The following CSE1L variants were observed in gnomAD, a reference collection of about 807,000 sequenced individuals.
The protein encoded by CSE1L is chromosome segregation 1 like, also known as exportin-2.
Under a neutral mutation model 120.4 loss-of-function variants are expected in CSE1L, and 24 were observed. The ratio of observed to expected loss-of-function variants is 0.20; its 90% CI spans 0.14 to 0.28. The LOEUF is 0.28. Ranked by LOEUF, CSE1L falls within the 10% of genes least tolerant of loss-of-function variation. The pLI, the probability that CSE1L is intolerant of heterozygous loss-of-function variation, is 1.00. For synonymous variants in CSE1L, 402 were observed against 398.3 expected (o/e 1.01, Z -0.11); for missense variants, 830 against 1,145.2 (o/e 0.72, Z 3.97).
chr20:49,076,992 C>G lies in CSE1L; in HGVS notation c.1348C>G (p.Gln450Glu). The part of the protein sequence containing the change: ...KAQTQKHGIT[Q>E]ANELVNLTEF... ...ATTTGCTTTTCAGCATGGAATTACA[C>G]AAGCAAATGAACTTGTAAACCTAAC... The change falls in exon 13 of 25, where the codon CAA (glutamine) becomes GAA (glutamate). Residue 450 changes from glutamine (Q) to glutamate (E), a missense_variant. Physicochemically the swap from Gln to Glu is conservative, Grantham distance 29 (BLOSUM62 2). Coordinates refer to ENST00000262982, the MANE Select transcript of CSE1L (RefSeq NM_001316.4). 1 of 1,603,602 alleles carries G rather than the reference C, an allele frequency of 6.2e-7. No individual in the cohort carries two copies. The highest frequency in any genetic ancestry group is 1.7e-4 in the Middle Eastern group (1 of 5,936).
At position 49,046,326 on chromosome 20, in the gene CSE1L, C is replaced by G. The variant is rs1479838155; in HGVS notation, c.-109C>G. ...TCAGGCTCGCTGTCGCGCCATTTTG[C>G]CGGGGTTTGAATGTGAGGCGGAGCG... is the stretch of plus-strand genomic sequence containing the variant. On this transcript the variant is annotated 5_prime_UTR_variant, in exon 1 of 25. Transcript: ENST00000262982. The G allele has an allele frequency of 6.6e-6, 1 of 152,428 alleles. No individual in the cohort carries two copies. The highest frequency in any genetic ancestry group is 6.5e-5 in the Admixed American group (1 of 15,296). The allele number at this position is 152,428 out of a possible 1,614,324, so 9.4% of individuals were successfully genotyped here. A position where few individuals can be genotyped will look rare whatever the true frequency, so the allele number is the denominator to read the frequency against.
At chr20:49,055,242 G>A (rs2091797378) in intron 1 of CSE1L, among the ~76,000 whole-genome samples, 1 of 152,208 alleles carries the variant, frequency 6.6e-6, no homozygotes, top group East Asian at 1.9e-4. Flanking sequence ...TTGCTGCCAA[G>A]TGAGTTTGCC....
rs776542325 is a variant in CSE1L, at chr20:49,072,274, C to T, written c.769-12C>T. On this transcript the variant is annotated splice_polypyrimidine_tract_variant and intron_variant, in intron 8 of 24. Transcript: ENST00000262982. ...AGTTGTATGTTGGAGTTTTTGTTTT[C>T]TTTTATGTGAGGATGAAGAGGAAGC... is the stretch of plus-strand genomic sequence containing the variant. 9.3e-6 allele frequency: 15 copies of T among 1,611,482 alleles called. No homozygotes were observed. Among genetic ancestry groups the T allele is most frequent in the African/African-American group, 1.3e-5 (1 of 74,670 alleles).
At chr20:49,088,158 G>A (rs1600546854) in intron 17 of CSE1L, 52 bp downstream of exon 17, 1 of 1,250,606 alleles carries the variant, frequency 8.0e-7, no homozygotes, top group Non-Finnish European at 1.2e-6. Flanking sequence ...GCTCCAAACT[G>A]TTTGGGCCTC....
intron 16 of CSE1L, among the ~76,000 whole-genome samples, chr20:49,086,289 G>T (rs1191929168): frequency 1.3e-5 from 2 of 151,602 alleles, no homozygotes; most frequent in Non-Finnish European, 2.9e-5. Context: ...GTGTATCTGG[G>T]TGTATGTTTC....
At chr20:49,068,272 C>T (rs1359510640) in intron 6 of CSE1L, among the ~76,000 whole-genome samples, 2 of 152,112 alleles carry the variant, frequency 1.3e-5, no homozygotes, top group African/African-American at 4.8e-5. Flanking sequence ...CTATTTTCCA[C>T]AATCTCTTAA....
intron 2 of CSE1L, among the ~76,000 whole-genome samples, chr20:49,059,130 CAAA>C (rs549095361): frequency 2.6e-5 from 2 of 77,320 alleles, no homozygotes. Context: ...GACTCCGTCT[CAAA>C]AAAAAAAAAA....
intron 8 of CSE1L, 101 bp from the exon 9 acceptor site, chr20:49,072,185 A>G: frequency 1.6e-6 from 2 of 1,247,076 alleles, no homozygotes; most frequent in Non-Finnish European, 1.1e-6. Context: ...TTTGATTTGG[A>G]TTTAATTGAT....
intron 16 of CSE1L, among the ~76,000 whole-genome samples, chr20:49,085,797 C>T (rs2092051825): frequency 6.6e-6 from 1 of 151,928 alleles, no homozygotes; most frequent in Non-Finnish European, 1.5e-5. Flanking sequence ...GTCTCAAACT[C>T]CTGACCTCAA....
At chr20:49,070,776 TA>T (rs2091926090) in intron 8 of CSE1L, among the ~76,000 whole-genome samples, 1 of 151,884 alleles carries the variant, frequency 6.6e-6, no homozygotes, top group African/African-American at 2.4e-5. Context: ...CTACAAAAAA[TA>T]AAAATAAAAT....
chr20:49,057,510 G>A (rs533129533), intron 1 of CSE1L, among the ~76,000 whole-genome samples: 7 of 143,284 alleles, frequency 4.9e-5, no homozygotes, highest in Non-Finnish European at 7.5e-5. Flanking sequence ...TTGGAGTGCA[G>A]TGGCACCATC....
chr20:49,084,125 C>T lies in CSE1L; in HGVS notation c.1582C>T (p.Arg528Trp), dbSNP rs1173088804. The change falls in exon 15 of 25, where the codon CGG becomes TGG. Residue 528 changes from arginine (R) to tryptophan (W), a missense_variant. Arg to Trp is a moderately radical substitution (Grantham distance 101, BLOSUM62 -3). Around this residue, in one of 4 missense-constraint regions of CSE1L, gnomAD observed 543 missense variants for 640.2 expected, o/e 0.85. Transcript: ENST00000262982. ...TACTTACGCAGCTCATGCTCTTGAA[C>T]GGCTCTTTACTATGCGAGGGCCTAA... is the stretch of plus-strand genomic sequence containing the variant. ...VHTYAAHALE[R>W]LFTMRGPNNA... is the part of the protein sequence containing the mutation. 3.1e-6 allele frequency: 5 copies of T among 1,614,044 alleles called. No homozygotes were observed. The highest frequency in any genetic ancestry group is 1.7e-5 in the Admixed American group (1 of 60,004).
chr20:49,062,108 C>CGA, intron 2 of CSE1L, among the ~76,000 whole-genome samples: 1 of 152,180 alleles, frequency 6.6e-6, no homozygotes, highest in Admixed American at 6.5e-5. Context: ...GGCTTTTCCT[C>CGA]AAATCATGGA....
At chr20:49,063,149 A>G (rs1388978399) in intron 2 of CSE1L, 53 bp from the exon 3 acceptor site, 13 of 1,142,766 alleles carry the variant, frequency 1.1e-5, no homozygotes, top group African/African-American at 1.6e-5. Context: ...TTTGATATAT[A>G]TAAGGTGGAA....
chr20:49,058,394 A>T, intron 1 of CSE1L, 59 bp from the exon 2 acceptor site: 1 of 1,237,966 alleles, frequency 8.1e-7, no homozygotes, highest in Non-Finnish European at 1.2e-6. Flanking sequence ...GGATTTCTTT[A>T]AATGTAAATC....
intron 15 of CSE1L, among the ~76,000 whole-genome samples, chr20:49,084,551 ATAG>A (rs1330660402): frequency 6.6e-6 from 1 of 152,128 alleles, no homozygotes; most frequent in Non-Finnish European, 1.5e-5. Context: ...ATACTGTACA[ATAG>A]TAGTAGTAGT....
chr20:49,064,083 C>G (rs531297890), intron 3 of CSE1L, among the ~76,000 whole-genome samples: 33 of 152,138 alleles, frequency 2.2e-4, no homozygotes, highest in Non-Finnish European at 4.0e-4. Flanking sequence ...TGGAGGATTG[C>G]TACTGGAATC....
intron 13 of CSE1L, 44 bp downstream of exon 13, chr20:49,077,108 T>C (rs2091974579): frequency 1.7e-6 from 2 of 1,169,776 alleles, no homozygotes; most frequent in East Asian, 2.4e-5. Flanking sequence ...TGCCACACTA[T>C]ACCTGAATTC....
intron 13 of CSE1L, 115 bp downstream of exon 13, chr20:49,077,179 A>C (rs570582007): frequency 1.9e-6 from 1 of 529,232 alleles, no homozygotes. Flanking sequence ...TTTTCTTTTG[A>C]GATGGTGTCT....
Sources: gnomAD v4.1 joint callset for allele counts (sites outside exome capture counted in the v4.1 genomes callset) on GRCh38, gnomAD v4.1.1 for gene constraint, gnomAD v4.1.1 regional missense constraint, MANE v1.5 for transcripts, NCBI Gene and HGNC (gene_info 2026-07-23, HGNC 2026-07-21) for gene names.